GPC6: variants seen among roughly 807,000 people sequenced by gnomAD.
GPC6 encodes the protein glypican 6, also known as glypican-6.
In GPC6, 14 loss-of-function variants were observed where a neutral mutation model predicts 55.2. That is an observed-to-expected ratio of 0.25 (90% CI 0.17 to 0.40). The LOEUF (loss-of-function observed/expected upper bound fraction) is 0.40, where lower values mean the gene tolerates loss of function less well. Among genes scored for constraint, GPC6 ranks in the 10% least tolerant of loss-of-function variants. The pLI, the probability that GPC6 is intolerant of heterozygous loss-of-function variation, is 1.00. For missense variants in GPC6, 641 were observed against 708.5 expected (o/e 0.90, Z 1.08); for synonymous variants, 278 against 259.6 (o/e 1.07, Z -0.68).
At chr13:93,922,800 G>A (rs766297395) in intron 3 of GPC6, among the ~76,000 whole-genome samples, 4 of 152,096 alleles carry the variant, frequency 2.6e-5, no homozygotes, top group Non-Finnish European at 5.9e-5. Flanking sequence ...TCCTGTTTAC[G>A]TTCCTTTAGG....
chr13:93,694,377 C>T (rs182549486), intron 2 of GPC6, among the ~76,000 whole-genome samples: 1 of 152,084 alleles, frequency 6.6e-6, no homozygotes, highest in Non-Finnish European at 1.5e-5. Flanking sequence ...TAGTTCATTG[C>T]CTATTTCAAA....
chr13:93,897,016 T>C (rs1269337350), intron 3 of GPC6, among the ~76,000 whole-genome samples: 1 of 151,028 alleles, frequency 6.6e-6, no homozygotes, highest in Non-Finnish European at 1.5e-5. Flanking sequence ...TTTCTTATTG[T>C]AAAGGATTAT....
At chr13:93,758,371 C>T (rs1884848228) in intron 2 of GPC6, among the ~76,000 whole-genome samples, 1 of 152,090 alleles carries the variant, frequency 6.6e-6, no homozygotes, top group South Asian at 2.1e-4. Flanking sequence ...ACCAATGTAT[C>T]CAGGTTTATT....
chr13:93,544,324 A>G (rs983063989), intron 1 of GPC6, among the ~76,000 whole-genome samples: 1 of 138,022 alleles, frequency 7.2e-6, no homozygotes, highest in African/African-American at 2.8e-5. Context: ...ACTATTAAAC[A>G]TTATAAATGA....
At chr13:93,370,022 A>G (rs533196456) in intron 1 of GPC6, among the ~76,000 whole-genome samples, 1 of 152,204 alleles carries the variant, frequency 6.6e-6, no homozygotes, top group East Asian at 1.9e-4. Flanking sequence ...CACTTAAATG[A>G]CACACGTTAT....
intron 5 of GPC6, among the ~76,000 whole-genome samples, chr13:94,299,609 C>T (rs975058679): frequency 3.3e-5 from 5 of 152,172 alleles, no homozygotes; most frequent in Non-Finnish European, 4.4e-5. Context: ...CAGCCATATT[C>T]GGACACAGCA....
At chr13:93,366,284 T>A (rs1881244894) in intron 1 of GPC6, among the ~76,000 whole-genome samples, 1 of 152,102 alleles carries the variant, frequency 6.6e-6, no homozygotes, top group Non-Finnish European at 1.5e-5. Context: ...TGCTAGACAG[T>A]GCCCTTAGAT....
chr13:93,989,226 T>C (rs1881177607), intron 3 of GPC6, among the ~76,000 whole-genome samples: 1 of 152,178 alleles, frequency 6.6e-6, no homozygotes, highest in African/African-American at 2.4e-5. Context: ...TAGTCCCTTT[T>C]CACACCTCAT....
chr13:93,988,353 ATGCCAGCCTTAG>A (rs1364377148), intron 3 of GPC6, among the ~76,000 whole-genome samples: 40 of 152,288 alleles, frequency 2.6e-4, no homozygotes, highest in African/African-American at 9.4e-4. Flanking sequence ...TGCCAGCCAC[ATGCCAGCCTTAG>A]TAATGAAAAA....
At chr13:94,023,394 A>G (rs2138714984) in intron 3 of GPC6, among the ~76,000 whole-genome samples, 1 of 152,088 alleles carries the variant, frequency 6.6e-6, no homozygotes, top group African/African-American at 2.4e-5. Context: ...ATACTGGTAT[A>G]AATATTATCC....
At chr13:93,849,796 C>T (rs1201327774) in intron 3 of GPC6, among the ~76,000 whole-genome samples, 1 of 152,024 alleles carries the variant, frequency 6.6e-6, no homozygotes, top group Non-Finnish European at 1.5e-5. Context: ...CACACGTGAA[C>T]ATTGTACATT....
intron 4 of GPC6, among the ~76,000 whole-genome samples, chr13:94,076,462 T>C (rs1884918309): frequency 6.6e-6 from 1 of 152,032 alleles, no homozygotes; most frequent in South Asian, 2.1e-4. Context: ...CTGTTTTCTT[T>C]GCTGCACAGG....
chr13:93,529,794 C>G (rs935536504), intron 1 of GPC6, among the ~76,000 whole-genome samples: 7 of 152,086 alleles, frequency 4.6e-5, no homozygotes, highest in Admixed American at 1.3e-4. Context: ...GGATTACAGG[C>G]ATGAGCCACC....
chr13:93,538,560 C>A (rs1379889596), intron 1 of GPC6, among the ~76,000 whole-genome samples: 2 of 152,128 alleles, frequency 1.3e-5, no homozygotes, highest in Admixed American at 1.3e-4. Flanking sequence ...CGTTTTGCTG[C>A]CTTAACTTTC....
At chr13:93,785,366 T>C (rs1264868279) in intron 2 of GPC6, among the ~76,000 whole-genome samples, 2 of 152,198 alleles carry the variant, frequency 1.3e-5, no homozygotes, top group Non-Finnish European at 2.9e-5. Context: ...ACATTGGCTC[T>C]CAAAATTGGT....
intron 2 of GPC6, among the ~76,000 whole-genome samples, chr13:93,790,988 T>C (rs1180600787): frequency 2.0e-5 from 3 of 152,202 alleles, no homozygotes; most frequent in Non-Finnish European, 4.4e-5. Context: ...CAGAGGACTT[T>C]ATGGAAATGC....
At chr13:93,775,515 G>A (rs1490630968) in intron 2 of GPC6, among the ~76,000 whole-genome samples, 1 of 152,212 alleles carries the variant, frequency 6.6e-6, no homozygotes, top group Admixed American at 6.5e-5. Flanking sequence ...CAGGCCTGGT[G>A]AGCTTCTGAA....
intron 2 of GPC6, among the ~76,000 whole-genome samples, chr13:93,785,300 G>A (rs1885785642): frequency 6.6e-6 from 1 of 152,084 alleles, no homozygotes; most frequent in Non-Finnish European, 1.5e-5. Flanking sequence ...TGATAAATGA[G>A]GTAGAAAAGA....
intron 1 of GPC6, among the ~76,000 whole-genome samples, chr13:93,432,282 A>T (rs986619244): frequency 1.3e-5 from 2 of 152,152 alleles, no homozygotes; most frequent in Non-Finnish European, 2.9e-5. Context: ...TGATGAACAG[A>T]TCCATGTATG....
Sources: allele counts gnomAD v4.1 joint callset (sites outside exome capture counted in the v4.1 genomes callset), GRCh38; gene constraint gnomAD v4.1.1; transcripts MANE v1.5; gene names NCBI Gene and HGNC (gene_info 2026-07-23, HGNC 2026-07-21).